FBXW12: variants seen among roughly 807,000 people sequenced by gnomAD.
FBXW12 encodes the protein F-box and WD repeat domain containing 12.
In FBXW12, 43 loss-of-function variants were observed where a neutral mutation model predicts 55.3. That is an observed-to-expected ratio of 0.78 (90% CI 0.61 to 1.00). FBXW12 has a LOEUF of 1.00. Ranked by LOEUF, FBXW12 falls within the 50% of genes least tolerant of loss-of-function variation. FBXW12 has a pLI of 0.00. For synonymous variants in FBXW12, 184 were observed against 203.8 expected, an observed-to-expected ratio of 0.90 and a Z score of 0.83; for missense variants, 524 against 560.5, an observed-to-expected ratio of 0.93 and a Z score of 0.66.
intron 10 of FBXW12, among the ~76,000 whole-genome samples, chr3:48,391,211 A>C (rs889922540): frequency 6.6e-6 from 1 of 151,066 alleles, no homozygotes; most frequent in Non-Finnish European, 1.5e-5. Context: ...TTGAGCCCAG[A>C]GGTTGAGGCT....
chr3:48,378,883 G>A (rs1168620450), intron 6 of FBXW12, among the ~76,000 whole-genome samples: 1 of 152,108 alleles, frequency 6.6e-6, no homozygotes, highest in Non-Finnish European at 1.5e-5. Context: ...ACAGGCATAA[G>A]CCACAGCGCC....
At chr3:48,390,190 A>C (rs989700774) in intron 10 of FBXW12, among the ~76,000 whole-genome samples, 3 of 152,126 alleles carry the variant, frequency 2.0e-5, no homozygotes, top group African/African-American at 7.2e-5. Context: ...TGCTTTGGCT[A>C]TTTAATATGG....
rs1446556623 is a variant in FBXW12, at chr3:48,373,325, A to C, written c.108A>C (p.Ala36=). The C allele has an allele frequency of 1.2e-6, 2 of 1,614,162 alleles. No homozygotes were observed. Among genetic ancestry groups the C allele is most frequent in the Non-Finnish European group, 1.7e-6 (2 of 1,180,008 alleles). Residue 36 remains alanine, a synonymous_variant, in exon 3 of 11, where the codon GCA becomes GCC. Coordinates refer to ENST00000296438, the MANE Select transcript of FBXW12 (RefSeq NM_207102.2). ...TCCCATAGCATTGGAATAGGATTGC[A>C]GACAGTGATTACCTGTGGAGGTAAG... ...SQVNKHWNRI[A]DSDYLWRSLS... is the part of the protein sequence containing the mutation.
chr3:48,381,022 G>GTTTT, intron 8 of FBXW12, 110 bp downstream of exon 8: 400 of 572,562 alleles, frequency 7.0e-4, no homozygotes, highest in Middle Eastern at 1.3e-3. Context: ...GGGATTTCTA[G>GTTTT]TTTTTTTTTT....
chr3:48,373,380 G>T, intron 3 of FBXW12, 35 bp downstream of exon 3: 1 of 1,613,764 alleles, frequency 6.2e-7, no homozygotes, highest in Non-Finnish European at 8.5e-7. Flanking sequence ...GGGAAGGGGA[G>T]AGGAGATCAT....
intron 10 of FBXW12, among the ~76,000 whole-genome samples, chr3:48,382,837 C>T (rs557190187): frequency 6.6e-6 from 1 of 152,326 alleles, no homozygotes; most frequent in African/African-American, 2.4e-5. Context: ...AGTCATTATA[C>T]TGCTTATAGT....
chr3:48,373,222 G>A lies in FBXW12; in HGVS notation c.91-86G>A, dbSNP rs1426524584. 4.4e-6 allele frequency: 7 copies of A among 1,602,584 alleles called. 1 individual carries two copies. Among genetic ancestry groups the A allele is most frequent in the Non-Finnish European group, 2.6e-6 (3 of 1,170,918 alleles). The stretch of plus-strand genomic sequence containing the variant: ...CATCTGATTAACCTGTGCGGGCCCA[G>A]CTCCCAGAACAAATAATAGCAGAGG... On this transcript the variant is annotated intron_variant, in intron 2 of 10. Coordinates refer to ENST00000296438, the MANE Select transcript of FBXW12 (RefSeq NM_207102.2).
At chr3:48,385,743 T>C (rs1474340757) in intron 10 of FBXW12, among the ~76,000 whole-genome samples, 7 of 152,206 alleles carry the variant, frequency 4.6e-5, no homozygotes, top group Admixed American at 4.6e-4. Context: ...AGGTGGTATC[T>C]CATTGCATTT....
At chr3:48,381,600 T>A in intron 8 of FBXW12, 100 bp from the exon 9 acceptor site, 1 of 1,321,712 alleles carries the variant, frequency 7.6e-7, no homozygotes, top group East Asian at 2.5e-5. Context: ...AAGTGGGGAC[T>A]ATGCTTTTTT....
intron 5 of FBXW12, 148 bp downstream of exon 5, chr3:48,375,620 C>T (rs2036671556): frequency 3.3e-6 from 2 of 603,172 alleles, no homozygotes; most frequent in African/African-American, 1.9e-5. Context: ...AATTTGTGAC[C>T]TTTTCATTTG....
At chr3:48,373,822 A>G in intron 4 of FBXW12, 117 bp downstream of exon 4, 1 of 989,446 alleles carries the variant, frequency 1.0e-6, no homozygotes, top group Non-Finnish European at 1.5e-6. Flanking sequence ...AAGGAATTAA[A>G]ATTGAACCAG....
intron 10 of FBXW12, among the ~76,000 whole-genome samples, chr3:48,383,582 T>C (rs2036807909): frequency 6.6e-6 from 1 of 152,218 alleles, no homozygotes; most frequent in African/African-American, 2.4e-5. Flanking sequence ...AGGGTTAACT[T>C]TGAAGTACAA....
At chr3:48,385,496 C>A (rs2036837025) in intron 10 of FBXW12, among the ~76,000 whole-genome samples, 1 of 152,170 alleles carries the variant, frequency 6.6e-6, no homozygotes, top group Non-Finnish European at 1.5e-5. Flanking sequence ...AGCGTGCAGA[C>A]ATCTCTTCAA....
intron 10 of FBXW12, among the ~76,000 whole-genome samples, chr3:48,391,221 T>G (rs2106656346): frequency 6.6e-6 from 1 of 150,814 alleles, no homozygotes; most frequent in Admixed American, 6.6e-5. Flanking sequence ...AGGTTGAGGC[T>G]GCAATGGGCC....
intron 10 of FBXW12, among the ~76,000 whole-genome samples, chr3:48,388,135 G>A (rs368981747): frequency 1.6e-4 from 24 of 152,254 alleles, no homozygotes; most frequent in African/African-American, 5.3e-4. Context: ...GGGCCAGAGA[G>A]CATATTCCAT....
At position 48,392,705 on chromosome 3, in the gene FBXW12, A is replaced by G. The variant is rs1400518639; in HGVS notation, c.1296-1855A>G. Among the ~76,000 whole-genome samples the G allele has an allele frequency of 7.2e-5, 11 of 152,274 alleles. 1 individual carries two copies. The South Asian group carries it at 1.9e-3, about 26-fold the overall frequency. On this transcript the variant is annotated intron_variant, in intron 10 of 10. Coordinates refer to ENST00000296438, the MANE Select transcript of FBXW12 (RefSeq NM_207102.2). ...ATTAACTTCTTTCAGCATTTGAAAAATGTTGTGCCTCTTCCTTCTGACTTC... is the reference window on the plus strand; with the variant it reads ...ATTAACTTCTTTCAGCATTTGAAAAGTGTTGTGCCTCTTCCTTCTGACTTC...
intron 6 of FBXW12, 43 bp downstream of exon 6, chr3:48,378,569 C>A: frequency 6.5e-7 from 1 of 1,531,946 alleles, no homozygotes. Flanking sequence ...AAATCAAATG[C>A]CTGTTGTCTT....
chr3:48,393,601 C>T (rs147098553), intron 10 of FBXW12, among the ~76,000 whole-genome samples: 2 of 152,122 alleles, frequency 1.3e-5, no homozygotes, highest in East Asian at 3.9e-4. Flanking sequence ...AGCAGGTATA[C>T]TCAAAAGGGA....
intron 5 of FBXW12, among the ~76,000 whole-genome samples, chr3:48,376,129 G>A (rs549270706): frequency 3.3e-5 from 5 of 151,748 alleles, no homozygotes; most frequent in South Asian, 2.1e-4. Flanking sequence ...TTACAGGCGC[G>A]CGCCACGATG....
Sources: gnomAD v4.1 joint callset for allele counts (sites outside exome capture counted in the v4.1 genomes callset) on GRCh38, gnomAD v4.1.1 for gene constraint, MANE v1.5 for transcripts, NCBI Gene and HGNC (gene_info 2026-07-23, HGNC 2026-07-21) for gene names.